Variants in EPS15L1 observed in about 807,000 individuals in gnomAD.
EPS15L1 encodes epidermal growth factor receptor substrate 15-like 1.
In EPS15L1, 43 loss-of-function variants were observed where a neutral mutation model predicts 117.1. The observed-to-expected ratio is 0.37, with a 90% CI of 0.29 to 0.47. EPS15L1 has a LOEUF of 0.47. Among genes scored for constraint, EPS15L1 ranks in the 20% least tolerant of loss-of-function variants. The pLI, the probability that EPS15L1 is intolerant of heterozygous loss-of-function variation, is 0.99. For synonymous variants in EPS15L1, 459 were observed against 470.5 expected, an observed-to-expected ratio of 0.98 and a Z score of 0.32; for missense variants, 981 against 1,164.0, an observed-to-expected ratio of 0.84 and a Z score of 2.29.
At chr19:16,430,721 A>G (rs750680940) in intron 7 of EPS15L1, among the ~76,000 whole-genome samples, 1 of 152,234 alleles carries the variant, frequency 6.6e-6, no homozygotes, top group Non-Finnish European at 1.5e-5. Context: ...CAGATGCACG[A>G]TGTGTGAGTG....
At chr19:16,424,400 TAG>T (rs1291819579) in intron 9 of EPS15L1, among the ~76,000 whole-genome samples, 2 of 147,390 alleles carry the variant, frequency 1.4e-5, no homozygotes, top group Non-Finnish European at 3.0e-5. Flanking sequence ...AGAAGATCAC[TAG>T]AGAGGTGGGT....
Position 16,395,464 on chromosome 19 carries a change from C to G in EPS15L1, c.1795G>C (p.Asp599His). 1 of 1,613,414 alleles carries G rather than the reference C, an allele frequency of 6.2e-7. No individual in the cohort carries two copies. Reference protein sequence around the residue: ...AERGSFGAMDDPFKNKALLFS... With the variant: ...AERGSFGAMDHPFKNKALLFS... ...AACAAGGCTTTATTTTTGAAAGGAT[C>G]ATCCTACAATTTTGTGAAGAAACAG... The change falls in exon 17 of 24, where the codon GAT becomes CAT. Residue 599 changes from aspartate (D) to histidine (H), a missense_variant. Coordinates refer to ENST00000455140, the MANE Select transcript of EPS15L1 (RefSeq NM_001258374.3).
rs1266076708 is a variant in EPS15L1 at position 16,361,962 on chromosome 19, C to G, written c.2403G>C (p.Gln801His). The change falls in exon 23 of 24, where the codon CAG becomes CAC. Residue 801 changes from glutamine to histidine, a missense_variant. Gln to His is a conservative substitution (Grantham distance 24). This residue lies in a region of EPS15L1 where 819 missense variants were observed against 949.0 expected (regional missense o/e 0.86). Coordinates refer to ENST00000455140, the MANE Select transcript of EPS15L1 (RefSeq NM_001258374.3). ...CCTCGGGAAAGTCTGCGGAACCAAG[C>G]TGGCTTACAGGTGTACTTTTACCTG... ...PPSGKSTPVS[Q>H]LGSADFPEAP... The G allele has an allele frequency of 6.2e-7, 1 of 1,612,184 alleles. No homozygotes were observed. Among genetic ancestry groups the G allele is most frequent in the East Asian group, 2.2e-5 (1 of 44,862 alleles).
At position 16,413,799 on chromosome 19, in the gene EPS15L1, T is replaced by C. The variant is rs1055251499; in HGVS notation, c.1240A>G (p.Ile414Val). 3.1e-6 allele frequency: 5 copies of C among 1,613,918 alleles called. No individual in the cohort carries two copies. In the African/African-American group the frequency reaches 6.7e-5, roughly 22 times the overall value. ...TGCACCTCGCTGGTTTTCTGTCTGA[T>C]TGCCTCTTCCTTTTCTCGAATGTCT... ...EQDIREKEEA[I>V]RQKTSEVQEL... is the part of the protein sequence containing the mutation. The change falls in exon 13 of 24, where the codon ATC (isoleucine) becomes GTC (valine). Residue 414 changes from isoleucine (I) to valine (V), a missense_variant. By Grantham distance (29) the Ile-to-Val change is conservative. This residue lies in a region of EPS15L1 where 819 missense variants were observed against 949.0 expected (regional missense o/e 0.86). Transcript: ENST00000455140.
rs923913789 is a variant in EPS15L1 at position 16,370,630 on chromosome 19, G to A, written c.2380+6492C>T. Among the ~76,000 whole-genome samples, 4 of 152,218 alleles carry A rather than the reference G, an allele frequency of 2.6e-5. No homozygotes were observed. Among genetic ancestry groups the A allele is most frequent in the Non-Finnish European group, 4.4e-5 (3 of 68,030 alleles). On this transcript the variant is annotated intron_variant, in intron 22 of 23. Coordinates refer to ENST00000455140, the MANE Select transcript of EPS15L1 (RefSeq NM_001258374.3). This position sits in a 1 kb window ranked among gnomAD's most constrained non-coding sequence, Gnocchi z 5.2. ...TCCGCCTCTGGGTACAGTGTGCCCA[G>A]GAAGGCAAATGCTTCTATTTTCAAA...
intron 6 of EPS15L1, among the ~76,000 whole-genome samples, chr19:16,435,703 C>A (rs943406841): frequency 6.6e-6 from 1 of 151,784 alleles, no homozygotes; most frequent in Non-Finnish European, 1.5e-5. Flanking sequence ...TGACTCAGTG[C>A]CTTCAGAAGC....
chr19:16,374,723 G>C (rs3786582), intron 22 of EPS15L1, among the ~76,000 whole-genome samples: 20,483 of 152,194 alleles, frequency 0.13, 1,436 homozygotes, highest in Non-Finnish European at 0.15. Flanking sequence ...GAGTGGGATG[G>C]CTCCTCCTCA....
rs139556976 is a variant in EPS15L1 at position 16,366,090 on chromosome 19, A to T, written c.2381-4106T>A. On this transcript the variant is annotated intron_variant, in intron 22 of 23. Transcript: ENST00000455140. ...CCTATGTGATATGGATCAAATAGCA[A>T]GATTCTAGCAGAGGAAACAGTTAAG... is the stretch of plus-strand genomic sequence containing the variant. 4.4e-3 allele frequency among the ~76,000 whole-genome samples: 667 copies of T among 152,316 alleles called. 7 individuals are homozygous for T. Among genetic ancestry groups the T allele is most frequent in the African/African-American group, 0.015 (629 of 41,564 alleles).
At chr19:16,382,323 T>C (rs529756693) in intron 21 of EPS15L1, among the ~76,000 whole-genome samples, 56 of 152,338 alleles carry the variant, frequency 3.7e-4, no homozygotes, top group Non-Finnish European at 7.5e-4. Context: ...GACTCAACTC[T>C]TTCCTACTCG....
At chr19:16,444,184 A>G (rs908523920) in intron 1 of EPS15L1, among the ~76,000 whole-genome samples, 6 of 151,912 alleles carry the variant, frequency 3.9e-5, no homozygotes, top group African/African-American at 1.4e-4. Flanking sequence ...AAAAAAAAAA[A>G]AGAGGAAAAG....
Position 16,440,850 on chromosome 19 carries a change from A to C in EPS15L1, c.213+12T>G, listed in dbSNP as rs1411202333. 2.5e-6 allele frequency: 4 copies of C among 1,613,920 alleles called. No individual in the cohort carries two copies. Among genetic ancestry groups the C allele is most frequent in the South Asian group, 1.1e-5 (1 of 91,078 alleles). ...CAGCCCCTCCATTTGCTCTGTGTAC[A>C]TGTGTATATACCTGTTTGTCCAAGA... On this transcript the variant is annotated intron_variant, in intron 4 of 23. Coordinates refer to ENST00000455140, the MANE Select transcript of EPS15L1 (RefSeq NM_001258374.3).
intron 13 of EPS15L1, among the ~76,000 whole-genome samples, chr19:16,408,081 T>G (rs1297793895): frequency 6.6e-6 from 1 of 151,932 alleles, no homozygotes; most frequent in Non-Finnish European, 1.5e-5. Context: ...GGAAGAGCGT[T>G]AGGCCGGATG....
intron 9 of EPS15L1, 131 bp from the exon 10 acceptor site, chr19:16,421,607 C>T (rs1289556719): frequency 5.3e-6 from 5 of 938,134 alleles, no homozygotes; most frequent in Non-Finnish European, 8.1e-6. Flanking sequence ...CTTCCATGAG[C>T]CAAGAGGGCA....
Position 16,404,335 on chromosome 19 carries a change from G to T in EPS15L1, c.1428+253C>A, listed in dbSNP as rs934581749. On this transcript the variant is annotated intron_variant, in intron 14 of 23. Coordinates refer to ENST00000455140, the MANE Select transcript of EPS15L1 (RefSeq NM_001258374.3). The surrounding 1 kb of genome is among the most constrained non-coding windows in gnomAD (Gnocchi z 4.2). Reference sequence around the variant, plus strand: ...TGTGTTGTGGGGCACAGCCAGGTGGGGTGTGTTCAGGGCACAAGTTCGCAG... The same window carrying T: ...TGTGTTGTGGGGCACAGCCAGGTGGTGTGTGTTCAGGGCACAAGTTCGCAG... Among the ~76,000 whole-genome samples the T allele has an allele frequency of 3.3e-5, 5 of 152,160 alleles. No homozygotes were observed. In the East Asian group the frequency reaches 9.6e-4, roughly 29 times the overall value.
In EPS15L1 at chr19:16,393,933, G is replaced by A. The variant is rs372334211; in HGVS notation, c.1966+18C>T. ...TGGACACAGTCTAAAGACCGGTCCG[G>A]GAAACACTGAATTTTACCTGTTGAA... is the stretch of plus-strand genomic sequence containing the variant. On this transcript the variant is annotated intron_variant, in intron 18 of 23. Coordinates refer to ENST00000455140, the MANE Select transcript of EPS15L1 (RefSeq NM_001258374.3). The A allele has an allele frequency of 1.9e-6, 3 of 1,613,574 alleles. No individual in the cohort carries two copies. The highest frequency in any genetic ancestry group is 1.7e-5 in the Admixed American group (1 of 60,012).
intron 12 of EPS15L1, among the ~76,000 whole-genome samples, chr19:16,415,438 C>G (rs78741581): frequency 0.024 from 3,658 of 152,290 alleles, 119 homozygotes; most frequent in Admixed American, 0.086. Flanking sequence ...TGCCCAGGGA[C>G]CCAGGACTTG....
At chr19:16,358,564 C>T (rs1033109200) in intron 23 of EPS15L1, among the ~76,000 whole-genome samples, 1 of 152,142 alleles carries the variant, frequency 6.6e-6, no homozygotes, top group Non-Finnish European at 1.5e-5. Context: ...CCACCCTAGC[C>T]GAGGCCTGCC....
At chr19:16,410,818 T>A (rs2092699744) in intron 13 of EPS15L1, among the ~76,000 whole-genome samples, 1 of 151,960 alleles carries the variant, frequency 6.6e-6, no homozygotes, top group Non-Finnish European at 1.5e-5. Flanking sequence ...GAAGCTGAGG[T>A]GGGAGGATCA....
In EPS15L1 at chr19:16,419,610, C is replaced by T. The variant is rs936339361; in HGVS notation, c.951-1506G>A. ...TCGTTTCCCACCTCCCGTGTAGCTG[C>T]GGCAGAAGCCATTACAACAGAAGTT... On this transcript the variant is annotated intron_variant, in intron 10 of 23. Coordinates refer to ENST00000455140, the MANE Select transcript of EPS15L1 (RefSeq NM_001258374.3). Among the ~76,000 whole-genome samples the T allele has an allele frequency of 2.0e-5, 3 of 152,136 alleles. No individual in the cohort carries two copies. The East Asian group carries it at 5.8e-4, about 29-fold the overall frequency.
Sources: gnomAD v4.1 joint callset for allele counts (sites outside exome capture counted in the v4.1 genomes callset) on GRCh38, gnomAD v4.1.1 for gene constraint, gnomAD v4.1.1 regional missense constraint, Gnocchi (gnomAD v3.1) non-coding constraint, MANE v1.5 for transcripts, NCBI Gene and HGNC (gene_info 2026-07-23, HGNC 2026-07-21) for gene names.